Variants in TMEM132A observed in about 807,000 individuals in gnomAD.
The protein encoded by TMEM132A is GRP78-binding protein.
A neutral mutation model predicts 69.9 loss-of-function variants in TMEM132A; 48 were observed. That is an observed-to-expected ratio of 0.69 (90% CI 0.55 to 0.87). The LOEUF (loss-of-function observed/expected upper bound fraction) is 0.87, where lower values mean the gene tolerates loss of function less well. TMEM132A is among the 40% of genes least tolerant of loss of function. The probability of loss-of-function intolerance (pLI) is 0.00; values close to 1 mark genes in which losing one functional copy is unlikely to be tolerated. For missense variants in TMEM132A, 1,287 were observed against 1,407.2 expected (o/e 0.91, Z 1.37); for synonymous variants, 577 against 613.7 (o/e 0.94, Z 0.88).
At chr11:60,933,372 G>C in intron 7 of TMEM132A, 170 bp from the exon 8 acceptor site, 1 of 594,474 alleles carries the variant, frequency 1.7e-6, no homozygotes, top group Non-Finnish European at 3.0e-6. Context: ...TTTGTAGAGA[G>C]GGAGTTTTGC....
Position 60,936,272 on chromosome 11 carries a change from C to G in TMEM132A, c.2437C>G (p.Arg813Gly). The G allele has an allele frequency of 1.9e-6, 3 of 1,613,970 alleles. No homozygotes were observed. The South Asian group carries it at 3.3e-5, about 18-fold the overall frequency. ...GNTGVRGKFE[R>G]AEEEARKEET... ...CACAGGTGTGAGGGGCAAGTTTGAGCGGGCAGAGGAGGAGGCCAGGAAGGA... is the reference window on the plus strand; with the variant it reads ...CACAGGTGTGAGGGGCAAGTTTGAGGGGGCAGAGGAGGAGGCCAGGAAGGA... Residue 813 changes from arginine to glycine, a missense_variant, in exon 11 of 11, where the codon CGG becomes GGG. Coordinates refer to ENST00000453848, the MANE Select transcript of TMEM132A (RefSeq NM_178031.3).
chr11:60,927,021 T>C, intron 1 of TMEM132A, 183 bp from the exon 2 acceptor site: 2 of 653,826 alleles, frequency 3.1e-6, no homozygotes, highest in Non-Finnish European at 5.5e-6. Flanking sequence ...TGCTACATAC[T>C]ACCTGTGTGA....
In TMEM132A at chr11:60,931,878, G is replaced by A; in HGVS notation, c.1206G>A (p.Leu402=). 6.2e-7 allele frequency: 1 copy of A among 1,614,244 alleles called. No homozygotes were observed. Among genetic ancestry groups the A allele is most frequent in the African/African-American group, 1.3e-5 (1 of 75,064 alleles). ...SERDIRALIP[L]AKAEELVNTA... ...GGGACATCAGAGCCCTTATCCCACTGGCCAAGGTAAGGAGACCTCCATCTC... is the reference window on the plus strand; with the variant it reads ...GGGACATCAGAGCCCTTATCCCACTAGCCAAGGTAAGGAGACCTCCATCTC... The change falls in exon 6 of 11, where the codon CTG becomes CTA. Residue 402 remains leucine, a synonymous_variant. Coordinates refer to ENST00000453848, the MANE Select transcript of TMEM132A (RefSeq NM_178031.3).
intron 7 of TMEM132A, 140 bp downstream of exon 7, chr11:60,932,267 A>G: frequency 9.6e-7 from 1 of 1,037,696 alleles, no homozygotes; most frequent in Non-Finnish European, 1.3e-6. Flanking sequence ...GAGGAACCAC[A>G]GCTTCAACTT....
chr11:60,926,799 A>G (rs1215520540), intron 1 of TMEM132A, among the ~76,000 whole-genome samples: 1 of 152,140 alleles, frequency 6.6e-6, no homozygotes. Flanking sequence ...GAGAAAGCTC[A>G]CTTCATTACC....
chr11:60,936,720 G>T lies in TMEM132A; in HGVS notation c.2885G>T (p.Arg962Leu), dbSNP rs762531068. Residue 962 changes from arginine (R) to leucine (L), a missense_variant, in exon 11 of 11, where the codon CGA (arginine) becomes CTA (leucine). Transcript: ENST00000453848. Reference protein sequence around the residue: ...ARKEAGGRRKRVEFVTFAPAP... With the variant: ...ARKEAGGRRKLVEFVTFAPAP... Reference sequence around the variant, plus strand: ...AAGGAGGCTGGGGGGCGGCGGAAGCGAGTAGAGTTTGTGACATTTGCGCCA... The same window carrying T: ...AAGGAGGCTGGGGGGCGGCGGAAGCTAGTAGAGTTTGTGACATTTGCGCCA... 5.7e-6 allele frequency: 9 copies of T among 1,589,972 alleles called. No individual in the cohort carries two copies. In the African/African-American group the frequency reaches 1.2e-4, roughly 22 times the overall value.
chr11:60,936,754 A>G lies in TMEM132A; in HGVS notation c.2919A>G (p.Pro973=), dbSNP rs1424489176. 1.2e-6 allele frequency: 2 copies of G among 1,609,034 alleles called. No homozygotes were observed. Among genetic ancestry groups the G allele is most frequent in the African/African-American group, 1.3e-5 (1 of 74,650 alleles). ...VEFVTFAPAP[P]AQSPEEPVGA... ...TTGTGACATTTGCGCCAGCCCCTCC[A>G]GCCCAGTCACCTGAGGAGCCTGTAG... The change falls in exon 11 of 11, where the codon CCA becomes CCG. Residue 973 remains proline, a synonymous_variant. Coordinates refer to ENST00000453848, the MANE Select transcript of TMEM132A (RefSeq NM_178031.3).
At position 60,927,011 on chromosome 11, in the gene TMEM132A, T is replaced by C. The variant is rs1856360096; in HGVS notation, c.101-193T>C. 4.8e-6 allele frequency: 3 copies of C among 631,182 alleles called. No homozygotes were observed. The East Asian group carries it at 8.2e-5, about 17-fold the overall frequency. The allele number at this position is 631,182 out of a possible 1,614,324, so 39.1% of individuals were successfully genotyped here. On this transcript the variant is annotated intron_variant, in intron 1 of 10. Coordinates refer to ENST00000453848, the MANE Select transcript of TMEM132A (RefSeq NM_178031.3). ...TGGACTCAGATTCGAATCCTGGCTT[T>C]GCTACATACTACCTGTGTGAGGCTC...
At position 60,936,008 on chromosome 11, in the gene TMEM132A, G is replaced by C. The variant is rs376877652; in HGVS notation, c.2173G>C (p.Gly725Arg). ...AGCTGAGGAGCAGGGTGCCCAGCTCGGGGTGGTGGTGAGTGGGGCAGGCGC... is the reference window on the plus strand; with the variant it reads ...AGCTGAGGAGCAGGGTGCCCAGCTCCGGGTGGTGGTGAGTGGGGCAGGCGC... ...LPAEEQGAQL[G>R]VVVSGAGAEG... Residue 725 changes from glycine (G) to arginine (R), a missense_variant, in exon 11 of 11, where the codon GGG becomes CGG. Gly to Arg is a moderately radical substitution (Grantham distance 125). Coordinates refer to ENST00000453848, the MANE Select transcript of TMEM132A (RefSeq NM_178031.3). 1.2e-5 allele frequency: 20 copies of C among 1,607,810 alleles called. No homozygotes were observed. The highest frequency in any genetic ancestry group is 1.7e-5 in the Non-Finnish European group (20 of 1,179,078).
Position 60,927,644 on chromosome 11 carries a change from G to A in TMEM132A, c.319G>A (p.Val107Ile). The A allele has an allele frequency of 1.2e-6, 2 of 1,609,274 alleles. No homozygotes were observed. The highest frequency in any genetic ancestry group is 1.7e-6 in the Non-Finnish European group (2 of 1,178,570). The part of the protein sequence containing the change: ...SYPPFATQQV[V>I]PPRVTEPHQR... ...AGCCCTCTCATTCTCCCTCCAGGTG[G>A]TCCCCCCTCGAGTCACTGAGCCCCA... The change falls in exon 3 of 11, where the codon GTC (valine) becomes ATC (isoleucine). Residue 107 changes from valine to isoleucine, a missense_variant. Coordinates refer to ENST00000453848, the MANE Select transcript of TMEM132A (RefSeq NM_178031.3).
intron 1 of TMEM132A, chr11:60,926,581 TCC>T (rs1856350790): frequency 2.6e-5 from 4 of 154,904 alleles, no homozygotes; most frequent in Admixed American, 2.6e-4. Context: ...TTCCCCAGGC[TCC>T]TGGTCCCCAC....
Position 60,928,688 on chromosome 11 carries a change from C to T in TMEM132A, c.594C>T (p.Ala198=), listed in dbSNP as rs753895124. ...LELPSHWFSQ[A]STTRAELAYT... is the part of the protein sequence containing the mutation. ...TTCCCTCGCACTGGTTCTCACAGGC[C>T]TCCACCACACGGGCCGAGCTGGCCT... The change falls in exon 4 of 11, where the codon GCC becomes GCT. Residue 198 remains alanine, a synonymous_variant. Transcript: ENST00000453848. The T allele has an allele frequency of 6.2e-7, 1 of 1,611,012 alleles. No individual in the cohort carries two copies. Among genetic ancestry groups the T allele is most frequent in the Non-Finnish European group, 8.5e-7 (1 of 1,179,844 alleles).
rs545657824 is a variant in TMEM132A, at chr11:60,927,924, C to T, written c.534+65C>T. On this transcript the variant is annotated intron_variant, in intron 3 of 10. Transcript: ENST00000453848. ...CTGCATCAGCCAGGTGGTGGGCCCG[C>T]GGCAGAGAGGAAACCCCCACTCCTG... The T allele has an allele frequency of 5.7e-5, 81 of 1,428,164 alleles. No homozygotes were observed. In the East Asian group the frequency reaches 1.6e-3, roughly 29 times the overall value. 88.5% of individuals were successfully genotyped at this position (1,428,164 alleles called of 1,614,324 possible). A position where few individuals can be genotyped will look rare whatever the true frequency, so the allele number is the denominator to read the frequency against.
chr11:60,934,371 G>A (rs991811274), intron 8 of TMEM132A, 117 bp from the exon 9 acceptor site: 2 of 954,452 alleles, frequency 2.1e-6, no homozygotes, highest in Non-Finnish European at 2.8e-6. Context: ...TTGAGAAACA[G>A]GAGCTGCTGG....
intron 7 of TMEM132A, chr11:60,933,184 T>C (rs1856516845): frequency 1.4e-5 from 3 of 211,576 alleles, no homozygotes; most frequent in Non-Finnish European, 2.8e-5. Flanking sequence ...CTTTTTTTTT[T>C]TTTTAATCTA....
chr11:60,926,031 T>C (rs1052540447), intron 1 of TMEM132A: 1 of 152,146 alleles, frequency 6.6e-6, no homozygotes, highest in African/African-American at 2.4e-5. Context: ...ATAGGAAGAT[T>C]ACTAATTCAG....
intron 7 of TMEM132A, chr11:60,932,812 T>G (rs897730341): frequency 7.9e-5 from 12 of 152,204 alleles, no homozygotes; most frequent in Admixed American, 7.2e-4. Flanking sequence ...TGCTCAAATG[T>G]GTGTGGTTCC....
Position 60,935,282 on chromosome 11 carries a change from G to T in TMEM132A, c.1867G>T (p.Gly623Trp). 6.2e-7 allele frequency: 1 copy of T among 1,612,118 alleles called. No individual in the cohort carries two copies. The highest frequency in any genetic ancestry group is 8.5e-7 in the Non-Finnish European group (1 of 1,179,584). ...TTCCCCACTGTCTGACTCCATCCTG[G>T]GGGAGCAGGCGCTGGCTGTGACGGA... is the stretch of plus-strand genomic sequence containing the variant. ...VRSPLSDSIL[G>W]EQALAVTDDK... The change falls in exon 10 of 11, where the codon GGG (glycine) becomes TGG (tryptophan). Residue 623 changes from glycine to tryptophan, a missense_variant. By Grantham distance (184) the Gly-to-Trp change is radical. Transcript: ENST00000453848. The surrounding 1 kb of genome is among the most constrained non-coding windows in gnomAD (Gnocchi z 5.0).
Position 60,933,761 on chromosome 11 carries a change from G to A in TMEM132A, c.1559+17G>A. ...TGCTGAAGGGTGAGTGGAGGCCTGA[G>A]GAAGCTGGCAGGCCTTGGCGAGTCA... is the stretch of plus-strand genomic sequence containing the variant. On this transcript the variant is annotated intron_variant, in intron 8 of 10. Coordinates refer to ENST00000453848, the MANE Select transcript of TMEM132A (RefSeq NM_178031.3). The A allele has an allele frequency of 6.4e-7, 1 of 1,551,472 alleles. No homozygotes were observed. Among genetic ancestry groups the A allele is most frequent in the Non-Finnish European group, 8.7e-7 (1 of 1,147,394 alleles).
Sources: allele counts gnomAD v4.1 joint callset (sites outside exome capture counted in the v4.1 genomes callset), GRCh38; gene constraint gnomAD v4.1.1; non-coding constraint Gnocchi (gnomAD v3.1); transcripts MANE v1.5; gene names NCBI Gene and HGNC (gene_info 2026-07-23, HGNC 2026-07-21).